TASP1: variants seen among roughly 807,000 people sequenced by gnomAD.
TASP1 encodes threonine aspartase 1.
In TASP1, 16 loss-of-function variants were observed where a neutral mutation model predicts 56.6. The ratio of observed to expected loss-of-function variants is 0.28; its 90% confidence interval spans 0.19 to 0.43. The LOEUF (loss-of-function observed/expected upper bound fraction) is 0.43, where lower values mean the gene tolerates loss of function less well. Among genes scored for constraint, TASP1 ranks in the 20% least tolerant of loss-of-function variants. TASP1 has a pLI of 1.00. For synonymous variants in TASP1, 179 were observed against 184.2 expected (o/e 0.97, Z 0.23); for missense variants, 393 against 511.6 (o/e 0.77, Z 2.24).
intron 13 of TASP1, among the ~76,000 whole-genome samples, chr20:13,412,164 A>C (rs1316886195): frequency 2.0e-5 from 3 of 152,192 alleles, no homozygotes; most frequent in African/African-American, 7.2e-5. Context: ...CACAGAGAAA[A>C]ACTGGCGGTG....
At chr20:13,285,957 GC>G in the TASP1 span, among the ~76,000 whole-genome samples, 1 of 152,096 alleles carries the variant, frequency 6.6e-6, no homozygotes, top group African/African-American at 2.4e-5. Flanking sequence ...AGGTCCCTTT[GC>G]TTTTGCAAAG....
chr20:13,137,435 A>G, the TASP1 span, among the ~76,000 whole-genome samples: 1 of 152,082 alleles, frequency 6.6e-6, no homozygotes, highest in South Asian at 2.1e-4. Context: ...TGCAGAAGTG[A>G]TGGATTTTTT....
rs79974641 is a variant in TASP1 at position 13,557,282 on chromosome 20, G to A, written c.675+1726C>T. 8.4e-3 allele frequency among the ~76,000 whole-genome samples: 1,278 copies of A among 152,204 alleles called. 15 individuals carry two copies. Among genetic ancestry groups the A allele is most frequent in the African/African-American group, 0.029 (1,215 of 41,540 alleles). ...GGAAATATTAATCAGTAATAAAAAA[G>A]AATAAATCGGTGATACAATGTCTAA... On this transcript the variant is annotated intron_variant, in intron 8 of 13. Coordinates refer to ENST00000337743, the MANE Select transcript of TASP1 (RefSeq NM_017714.3).
chr20:13,567,520 T>A (rs186209133), intron 7 of TASP1, among the ~76,000 whole-genome samples: 1 of 151,842 alleles, frequency 6.6e-6, no homozygotes, highest in Non-Finnish European at 1.5e-5. Context: ...CTGAAGCATA[T>A]AAATGTCCAG....
intron 13 of TASP1, among the ~76,000 whole-genome samples, chr20:13,409,244 CTT>C (rs2042018529): frequency 6.6e-6 from 1 of 151,960 alleles, no homozygotes; most frequent in Non-Finnish European, 1.5e-5. Context: ...ATAAATACCA[CTT>C]TGGTCAAGTT....
intron 7 of TASP1, among the ~76,000 whole-genome samples, chr20:13,568,686 T>G (rs902450985): frequency 6.6e-6 from 1 of 152,170 alleles, no homozygotes; most frequent in Non-Finnish European, 1.5e-5. Flanking sequence ...TTAATAATGC[T>G]CACTTGAGCA....
At chr20:13,497,744 A>G (rs6105118) in intron 10 of TASP1, among the ~76,000 whole-genome samples, 93,468 of 151,970 alleles carry the variant, frequency 0.62, 29,396 homozygotes, top group Non-Finnish European at 0.69. Context: ...TATACTACAA[A>G]GCTACAATAA....
At chr20:13,564,766 C>A (rs6134912) in intron 7 of TASP1, among the ~76,000 whole-genome samples, 9 of 151,456 alleles carry the variant, frequency 5.9e-5, no homozygotes, top group African/African-American at 1.9e-4. Context: ...CTTTGGAGGC[C>A]GAGGCAGGCA....
chr20:13,438,363 C>T lies in TASP1; in HGVS notation c.986-3209G>A, dbSNP rs1368528774. On this transcript the variant is annotated intron_variant, in intron 11 of 13. Transcript: ENST00000337743. ...AGAAATAATGCCACATATCTACAAC[C>T]ATCTGATCTTTGACAAACCTGACAA... 3.9e-5 allele frequency among the ~76,000 whole-genome samples: 6 copies of T among 152,136 alleles called. No homozygotes were observed. The South Asian group carries it at 1.0e-3, about 26-fold the overall frequency.
intron 11 of TASP1, among the ~76,000 whole-genome samples, chr20:13,447,059 C>T (rs142248044): frequency 2.4e-3 from 373 of 152,254 alleles, no homozygotes; most frequent in African/African-American, 8.3e-3. Flanking sequence ...TTTCTAAACA[C>T]AGAGTTGATG....
At chr20:13,456,628 G>T (rs899096271) in intron 11 of TASP1, among the ~76,000 whole-genome samples, 3 of 152,026 alleles carry the variant, frequency 2.0e-5, no homozygotes, top group African/African-American at 7.2e-5. Flanking sequence ...CTTATGTTGA[G>T]AAATAAAGTT....
At chr20:13,503,919 T>C (rs2044038820) in intron 10 of TASP1, among the ~76,000 whole-genome samples, 1 of 151,840 alleles carries the variant, frequency 6.6e-6, no homozygotes, top group Non-Finnish European at 1.5e-5. Flanking sequence ...TTTAAAAATA[T>C]TCCATCAGAG....
chr20:13,232,202 CA>C, the TASP1 span, among the ~76,000 whole-genome samples: 1 of 152,124 alleles, frequency 6.6e-6, no homozygotes, highest in African/African-American at 2.4e-5. Flanking sequence ...ATAAACTGTA[CA>C]TATTTAAATG....
chr20:13,165,111 C>T, the TASP1 span: 1 of 445,810 alleles, frequency 2.2e-6, no homozygotes, highest in Admixed American at 3.9e-5. Context: ...CACACACACA[C>T]ACACACACAC....
At chr20:13,248,592 C>A in the TASP1 span, among the ~76,000 whole-genome samples, 3 of 152,232 alleles carry the variant, frequency 2.0e-5, no homozygotes, top group Non-Finnish European at 4.4e-5. Context: ...ATACTAATTT[C>A]TACCAGTGTT....
the TASP1 span, among the ~76,000 whole-genome samples, chr20:13,175,430 C>T: frequency 6.6e-6 from 1 of 152,218 alleles, no homozygotes; most frequent in East Asian, 1.9e-4. Flanking sequence ...AGAGGTTTTT[C>T]CCTCTTTGTT....
intron 8 of TASP1, among the ~76,000 whole-genome samples, chr20:13,535,973 A>G (rs2045402145): frequency 6.6e-6 from 1 of 152,236 alleles, no homozygotes; most frequent in Admixed American, 6.5e-5. Flanking sequence ...ATTTTATTCC[A>G]GAAAAGATGG....
intron 7 of TASP1, among the ~76,000 whole-genome samples, chr20:13,563,040 G>A (rs778306269): frequency 1.5e-5 from 2 of 134,886 alleles, no homozygotes; most frequent in Non-Finnish European, 3.1e-5. Flanking sequence ...ACATACGCAC[G>A]TATACACATA....
chr20:13,217,424 A>T, the TASP1 span, among the ~76,000 whole-genome samples: 1 of 152,210 alleles, frequency 6.6e-6, no homozygotes, highest in African/African-American at 2.4e-5. Flanking sequence ...GCAAAATAAA[A>T]TAAAAACAAT....
Sources: allele counts gnomAD v4.1 joint callset (sites outside exome capture counted in the v4.1 genomes callset), GRCh38; gene constraint gnomAD v4.1.1; transcripts MANE v1.5; gene names NCBI Gene and HGNC (gene_info 2026-07-23, HGNC 2026-07-21).